Variants in SLC2A9 observed in about 807,000 individuals in gnomAD.
SLC2A9 encodes the protein solute carrier family 2, facilitated glucose transporter member 9.
A neutral mutation model predicts 50.6 loss-of-function variants in SLC2A9; 39 were observed. The ratio of observed to expected loss-of-function variants is 0.77; its 90% CI spans 0.60 to 1.01. SLC2A9 has a LOEUF of 1.01. Ranked by LOEUF, SLC2A9 falls within the 50% of genes least tolerant of loss-of-function variation. The pLI, the probability that SLC2A9 is intolerant of heterozygous loss-of-function variation, is 0.00. For missense variants in SLC2A9, 686 were observed against 677.6 expected, an observed-to-expected ratio of 1.01 and a Z score of -0.14; for synonymous variants, 324 against 276.9, an observed-to-expected ratio of 1.17 and a Z score of -1.69.
At chr4:10,000,719 A>G (rs1418114411) in intron 2 of SLC2A9, among the ~76,000 whole-genome samples, 2 of 152,108 alleles carry the variant, frequency 1.3e-5, no homozygotes, top group Non-Finnish European at 2.9e-5. Context: ...ACTTCTCTTT[A>G]TGTCCTGCTG....
In SLC2A9 at chr4:9,895,049, C is replaced by A. The variant is rs555502705; in HGVS notation, c.1114-4338G>T. Among the ~76,000 whole-genome samples the A allele has an allele frequency of 4.6e-5, 7 of 152,256 alleles. No homozygotes were observed. The South Asian group carries it at 1.5e-3, about 32-fold the overall frequency. On this transcript the variant is annotated intron_variant, in intron 8 of 11. Coordinates refer to ENST00000264784, the MANE Select transcript of SLC2A9 (RefSeq NM_020041.3). ...AGTTTTTAAAAAAGAGTTTCAAGTG[C>A]ACCACCCACAATTTCAGAGTCAGAA...
intron 5 of SLC2A9, among the ~76,000 whole-genome samples, chr4:9,943,154 G>A (rs1021348719): frequency 2.6e-5 from 4 of 152,168 alleles, no homozygotes; most frequent in Non-Finnish European, 5.9e-5. Flanking sequence ...CCCTACTGAG[G>A]TCCATGGTAA....
downstream of SLC2A9, among the ~76,000 whole-genome samples, chr4:9,776,346 C>T (rs73221599): frequency 1.7e-3 from 253 of 151,954 alleles, no homozygotes; most frequent in Admixed American, 4.1e-3. Flanking sequence ...TGGTGCTGTG[C>T]GATCATCCTT....
chr4:9,957,531 G>A (rs532025034), intron 5 of SLC2A9, among the ~76,000 whole-genome samples: 1 of 152,270 alleles, frequency 6.6e-6, no homozygotes, highest in South Asian at 2.1e-4. Flanking sequence ...GGAGCAAAGA[G>A]ACAAAAATGT....
intron 6 of SLC2A9, among the ~76,000 whole-genome samples, chr4:9,940,333 C>A (rs575254194): frequency 3.3e-5 from 5 of 152,290 alleles, no homozygotes; most frequent in African/African-American, 1.2e-4. Context: ...TCACCCGGTA[C>A]AATAGCCACT....
In SLC2A9 at chr4:9,817,000, C is replaced by T. The variant is rs1723692544; in HGVS notation, n.420+9420G>A. 3.3e-5 allele frequency among the ~76,000 whole-genome samples: 5 copies of T among 152,192 alleles called. No individual in the cohort carries two copies. The South Asian group carries it at 1.0e-3, about 31-fold the overall frequency. On this transcript the variant is annotated intron_variant and non_coding_transcript_variant, in intron 3 of 3. Transcript: ENST00000503280. ...TCCTTTTCCAGCTTCTACAAGCTGC[C>T]TGCTATCCTTGGCTCATGACCCCTT...
chr4:9,812,729 A>T (rs1169101220), intron 3 of SLC2A9, among the ~76,000 whole-genome samples: 1 of 152,014 alleles, frequency 6.6e-6, no homozygotes, highest in East Asian at 1.9e-4. Context: ...CTTTCGACAC[A>T]CTCTGAAATA....
upstream of SLC2A9, among the ~76,000 whole-genome samples, chr4:10,026,179 C>G (rs1195606866): frequency 6.6e-6 from 1 of 152,170 alleles, no homozygotes; most frequent in Non-Finnish European, 1.5e-5. Flanking sequence ...TCTCCTCTGT[C>G]CTCAGTTTCT....
At chr4:9,813,558 G>A (rs968678264) in intron 3 of SLC2A9, among the ~76,000 whole-genome samples, 2 of 152,188 alleles carry the variant, frequency 1.3e-5, no homozygotes, top group African/African-American at 4.8e-5. Context: ...CAGTAAACAT[G>A]TAAGGAGCAC....
intron 5 of SLC2A9, among the ~76,000 whole-genome samples, chr4:9,954,626 A>G (rs1750889979): frequency 6.6e-6 from 1 of 151,840 alleles, no homozygotes; most frequent in African/African-American, 2.4e-5. Flanking sequence ...GTGTCTACAG[A>G]CTCTACAGAC....
intron 2 of SLC2A9, among the ~76,000 whole-genome samples, chr4:9,997,467 AG>A (rs1758883208): frequency 6.6e-6 from 1 of 152,204 alleles, no homozygotes; most frequent in Non-Finnish European, 1.5e-5. Context: ...TGGGAGGCTG[AG>A]ATGGGTGGGT....
At chr4:9,961,412 C>A (rs956290552) in intron 5 of SLC2A9, among the ~76,000 whole-genome samples, 18 of 152,202 alleles carry the variant, frequency 1.2e-4, no homozygotes, top group African/African-American at 4.1e-4. Flanking sequence ...TGAACACCTA[C>A]AACCATCTGA....
chr4:9,997,491 G>A (rs916540719), intron 2 of SLC2A9, among the ~76,000 whole-genome samples: 2 of 152,208 alleles, frequency 1.3e-5, no homozygotes, highest in Admixed American at 1.3e-4. Flanking sequence ...CTTGAGGCCA[G>A]GAGTTCGAGA....
chr4:10,021,369 T>C lies in SLC2A9; in HGVS notation c.61A>G (p.Thr21Ala). Residue 21 changes from threonine (T) to alanine (A), a missense_variant, in exon 1 of 12, where the codon ACC (threonine) becomes GCC (alanine). Coordinates refer to ENST00000264784, the MANE Select transcript of SLC2A9 (RefSeq NM_020041.3). ...ELGLVPLTDD[T>A]SHAGPPGPGR... ...GGCCCTGGAGGCCCGGCGTGGCTGG[T>C]GTCATCTGTGAGGGGAACTAGGCCC... is the stretch of plus-strand genomic sequence containing the variant. 2.5e-6 allele frequency: 4 copies of C among 1,614,206 alleles called. No homozygotes were observed. Among genetic ancestry groups the C allele is most frequent in the Non-Finnish European group, 3.4e-6 (4 of 1,180,034 alleles).
chr4:9,934,860 A>G (rs1180421024), intron 6 of SLC2A9, among the ~76,000 whole-genome samples: 1 of 151,974 alleles, frequency 6.6e-6, no homozygotes, highest in Non-Finnish European at 1.5e-5. Flanking sequence ...CCCTGTGTCC[A>G]TATGTTCTCA....
chr4:9,963,162 C>A (rs926407746), intron 5 of SLC2A9, among the ~76,000 whole-genome samples: 1 of 152,142 alleles, frequency 6.6e-6, no homozygotes, highest in Non-Finnish European at 1.5e-5. Context: ...CAAGAGAGAG[C>A]ATGTACAGGG....
At chr4:9,803,904 G>A (rs986895914) in intron 3 of SLC2A9, among the ~76,000 whole-genome samples, 2 of 152,184 alleles carry the variant, frequency 1.3e-5, no homozygotes, top group African/African-American at 4.8e-5. Flanking sequence ...TAATCACCAA[G>A]ATAGATTGTG....
chr4:9,953,833 G>A (rs1750730859), intron 5 of SLC2A9, among the ~76,000 whole-genome samples: 1 of 152,086 alleles, frequency 6.6e-6, no homozygotes, highest in Admixed American at 6.5e-5. Context: ...GTTTGAGATG[G>A]AGTTTTGCTT....
intron 7 of SLC2A9, among the ~76,000 whole-genome samples, chr4:9,914,556 T>C (rs7674711): frequency 0.18 from 26,745 of 152,102 alleles, 3,171 homozygotes; most frequent in East Asian, 0.67. Context: ...CCTTGAAGGG[T>C]TAGCTGGGCT....
Sources: gnomAD v4.1 joint callset for allele counts (sites outside exome capture counted in the v4.1 genomes callset) on GRCh38, gnomAD v4.1.1 for gene constraint, MANE v1.5 for transcripts, NCBI Gene and HGNC (gene_info 2026-07-23, HGNC 2026-07-21) for gene names.